The following KCMF1 variants were observed in gnomAD, a reference collection of about 807,000 sequenced individuals.
KCMF1 encodes the protein E3 ubiquitin-protein ligase KCMF1.
A neutral mutation model predicts 41.1 loss-of-function variants in KCMF1; 3 were observed. The observed-to-expected ratio is 0.07, with a 90% CI of 0.03 to 0.19. The LOEUF (loss-of-function observed/expected upper bound fraction) is 0.19. Ranked by LOEUF, KCMF1 falls within the 10% of genes least tolerant of loss-of-function variation. The pLI is 1.00. For synonymous variants in KCMF1, 142 were observed against 164.5 expected, an observed-to-expected ratio of 0.86 and a Z score of 1.04; for missense variants, 286 against 488.9, an observed-to-expected ratio of 0.58 and a Z score of 3.91.
chr2:85,023,209 A>G (rs1674992515), intron 1 of KCMF1, among the ~76,000 whole-genome samples: 1 of 149,696 alleles, frequency 6.7e-6, no homozygotes, highest in Non-Finnish European at 1.5e-5. Flanking sequence ...ATTCTTTGAA[A>G]TTTCCTTTCA....
At chr2:84,980,071 G>C (rs1030235429) in intron 1 of KCMF1, among the ~76,000 whole-genome samples, 6 of 151,878 alleles carry the variant, frequency 4.0e-5, no homozygotes, top group African/African-American at 1.2e-4. Flanking sequence ...GACCTCAGGT[G>C]ATCTGCCCAC....
chr2:84,993,816 C>T (rs571937638), intron 1 of KCMF1, among the ~76,000 whole-genome samples: 22 of 151,960 alleles, frequency 1.4e-4, no homozygotes, highest in African/African-American at 5.1e-4. Flanking sequence ...CCTCAAGTGA[C>T]CCGCCCACCT....
chr2:84,973,967 A>C (rs1673466584), intron 1 of KCMF1, among the ~76,000 whole-genome samples: 1 of 151,416 alleles, frequency 6.6e-6, no homozygotes, highest in Non-Finnish European at 1.5e-5. Flanking sequence ...AGCTGGGATT[A>C]CAGGCGCCTG....
intron 1 of KCMF1, among the ~76,000 whole-genome samples, chr2:84,994,738 G>A (rs1379948223): frequency 6.6e-6 from 1 of 152,042 alleles, no homozygotes; most frequent in Non-Finnish European, 1.5e-5. Context: ...CTCAGTTCAT[G>A]TTCAGTTTTC....
At chr2:85,009,222 C>T (rs751861249) in intron 1 of KCMF1, among the ~76,000 whole-genome samples, 4 of 152,088 alleles carry the variant, frequency 2.6e-5, no homozygotes, top group Admixed American at 6.6e-5. Context: ...CTTCCCCTTT[C>T]GTGCTGTCTC....
At chr2:85,038,978 C>T (rs576945315) in intron 3 of KCMF1, among the ~76,000 whole-genome samples, 1 of 152,328 alleles carries the variant, frequency 6.6e-6, no homozygotes, top group East Asian at 1.9e-4. Context: ...CCTCATTCTC[C>T]CAAAGTGTTG....
chr2:85,032,353 TTTTTA>T (rs1459346301), intron 2 of KCMF1, among the ~76,000 whole-genome samples: 3 of 147,558 alleles, frequency 2.0e-5, no homozygotes, highest in South Asian at 2.1e-4. Flanking sequence ...TTTATTTTTA[TTTTTA>T]TTTTATTTTA....
chr2:85,023,988 T>C (rs1675019625), intron 1 of KCMF1, among the ~76,000 whole-genome samples: 1 of 152,234 alleles, frequency 6.6e-6, no homozygotes, highest in Non-Finnish European at 1.5e-5. Flanking sequence ...ATATGTTTAC[T>C]GGCCATTTAT....
intron 4 of KCMF1, among the ~76,000 whole-genome samples, chr2:85,045,682 A>G (rs1216821402): frequency 6.6e-6 from 1 of 152,208 alleles, no homozygotes; most frequent in Non-Finnish European, 1.5e-5. Flanking sequence ...ATGTTAATCT[A>G]TCTGTGTGTC....
chr2:85,006,205 A>G (rs1284826084), intron 1 of KCMF1, among the ~76,000 whole-genome samples: 2 of 151,860 alleles, frequency 1.3e-5, no homozygotes, highest in African/African-American at 4.8e-5. Context: ...TTTATGATCA[A>G]ATTTACAGTG....
Position 85,053,195 on chromosome 2 carries a change from G to A in KCMF1, c.932G>A (p.Ser311Asn). Residue 311 changes from serine (S) to asparagine (N), a missense_variant, in exon 7 of 7, where the codon AGC becomes AAC. By Grantham distance (46) the Ser-to-Asn change is conservative. Transcript: ENST00000409785. ...GAAACGGAGCGCCAGTCCATGGAAA[G>A]CGAGCGTGCAGACCGCAGCCTGTTT... ...MSETERQSMESERADRSLFVQ... is the reference protein window; with the variant it reads ...MSETERQSMENERADRSLFVQ... The A allele has an allele frequency of 1.2e-6, 2 of 1,613,966 alleles. No individual in the cohort carries two copies. Among genetic ancestry groups the A allele is most frequent in the Non-Finnish European group, 1.7e-6 (2 of 1,179,882 alleles).
chr2:84,977,169 G>T (rs984218296), intron 1 of KCMF1, among the ~76,000 whole-genome samples: 8 of 151,998 alleles, frequency 5.3e-5, no homozygotes, highest in South Asian at 2.1e-4. Flanking sequence ...GTGAGCCATT[G>T]CTCCTAGCCT....
At chr2:84,977,224 A>G (rs550047412) in intron 1 of KCMF1, among the ~76,000 whole-genome samples, 96 of 152,290 alleles carry the variant, frequency 6.3e-4, no homozygotes, top group African/African-American at 2.2e-3. Context: ...TGAAGCACAC[A>G]TATAGACAGA....
chr2:85,004,055 C>A (rs1014954903), intron 1 of KCMF1, among the ~76,000 whole-genome samples: 2 of 152,110 alleles, frequency 1.3e-5, no homozygotes, highest in Non-Finnish European at 2.9e-5. Flanking sequence ...AGCACAGATA[C>A]GCCAAGCAAA....
intron 6 of KCMF1, among the ~76,000 whole-genome samples, chr2:85,050,018 T>G (rs1417231320): frequency 6.6e-6 from 1 of 152,064 alleles, no homozygotes; most frequent in Non-Finnish European, 1.5e-5. Context: ...GGTGTGATGG[T>G]GCGCACCTGT....
chr2:85,041,872 G>C (rs1352384210), intron 3 of KCMF1, among the ~76,000 whole-genome samples: 1 of 149,934 alleles, frequency 6.7e-6, no homozygotes, highest in African/African-American at 2.5e-5. Flanking sequence ...AGCTAGGTAA[G>C]ACCAGAAGCA....
chr2:85,046,055 T>C, intron 4 of KCMF1, 49 bp from the exon 5 acceptor site: 1 of 1,498,794 alleles, frequency 6.7e-7, no homozygotes, highest in Non-Finnish European at 9.1e-7. Flanking sequence ...CAGGTGATTT[T>C]TTTTCTTTCT....
intron 1 of KCMF1, among the ~76,000 whole-genome samples, chr2:85,006,075 C>T (rs1056734420): frequency 6.6e-6 from 1 of 151,924 alleles, no homozygotes; most frequent in Admixed American, 6.6e-5. Flanking sequence ...TCCCCTCCTA[C>T]TGGTCTTTTT....
At chr2:85,011,331 C>T (rs2104004560) in intron 1 of KCMF1, among the ~76,000 whole-genome samples, 1 of 152,192 alleles carries the variant, frequency 6.6e-6, no homozygotes, top group East Asian at 1.9e-4. Context: ...CCATAGAATC[C>T]TTCATTTCTG....
Sources: gnomAD v4.1 joint callset for allele counts (sites outside exome capture counted in the v4.1 genomes callset) on GRCh38, gnomAD v4.1.1 for gene constraint, MANE v1.5 for transcripts, NCBI Gene and HGNC (gene_info 2026-07-23, HGNC 2026-07-21) for gene names.